Variants in VMAC observed in about 807,000 individuals in gnomAD.
VMAC encodes vimentin-type intermediate filament-associated coiled-coil protein.
Under a neutral mutation model 4.8 loss-of-function variants are expected in VMAC, and 8 were observed. That is an observed-to-expected ratio of 1.68 (90% CI 0.99 to 3.03). The LOEUF (loss-of-function observed/expected upper bound fraction) is 3.03. Ranked by LOEUF, VMAC falls within the 30% of genes most tolerant of loss-of-function variation. The probability of loss-of-function intolerance (pLI) is 0.00; values close to 1 mark genes in which losing one functional copy is unlikely to be tolerated. For synonymous variants in VMAC, 96 were observed against 113.7 expected, an observed-to-expected ratio of 0.84 and a Z score of 0.99; for missense variants, 248 against 245.1, an observed-to-expected ratio of 1.01 and a Z score of -0.08.
rs896840463 is a variant in VMAC at position 5,910,338 on chromosome 19, C to A, written c.*1196C>A. ...CTAGGGAGTGTAGGCCAAGCACTCT[C>A]TACAGCGATTGCATCTAATCTTCGA... On this transcript the variant is annotated 3_prime_UTR_variant, in exon 2 of 2. Coordinates refer to ENST00000339485, the MANE Select transcript of VMAC (RefSeq NM_001017921.4). 6.6e-6 allele frequency: 1 copy of A among 152,224 alleles called. No individual in the cohort carries two copies. Among genetic ancestry groups the A allele is most frequent in the Non-Finnish European group, 1.5e-5 (1 of 68,064 alleles). 9.4% of individuals were successfully genotyped at this position (152,224 alleles called of 1,614,324 possible).
At chr19:5,906,622 G>C (rs1599701164) in intron 1 of VMAC, among the ~76,000 whole-genome samples, 1 of 152,354 alleles carries the variant, frequency 6.6e-6, no homozygotes, top group East Asian at 1.9e-4. Context: ...AGGGATCTCA[G>C]AGTGAAGGCT....
Position 5,909,230 on chromosome 19 carries a change from CG to C in VMAC, c.*90del, listed in dbSNP as rs1276179439. 4.3e-6 allele frequency: 6 copies of C among 1,411,630 alleles called. No homozygotes were observed. Among genetic ancestry groups the C allele is most frequent in the Non-Finnish European group, 4.7e-6 (5 of 1,060,418 alleles). 87.4% of individuals were successfully genotyped at this position (1,411,630 alleles called of 1,614,324 possible). On this transcript the variant is annotated 3_prime_UTR_variant, in exon 2 of 2. Transcript: ENST00000339485. ...ACCAGCACCCTGCAGGGGGACCCTACGGCAGAGCCAAAGTCCTGTCTAAGCA... is the reference window on the plus strand; with the variant it reads ...ACCAGCACCCTGCAGGGGGACCCTACGCAGAGCCAAAGTCCTGTCTAAGCA...
intron 1 of VMAC, among the ~76,000 whole-genome samples, chr19:5,907,183 G>A (rs1470582981): frequency 6.6e-6 from 1 of 152,176 alleles, no homozygotes; most frequent in East Asian, 1.9e-4. Context: ...GCTTCTCTCT[G>A]TGTCCTCACA....
chr19:5,907,394 G>T (rs386803), intron 1 of VMAC, among the ~76,000 whole-genome samples: 135,425 of 151,594 alleles, frequency 0.89, 60,705 homozygotes, highest in African/African-American at 0.96. Flanking sequence ...TGCCCACGTG[G>T]TGTGGAAGGA....
Position 5,904,937 on chromosome 19 carries a change from TG to T in VMAC, c.49del (p.Ala17GlnfsTer39). ...ALQIREANAH[L>X]AAVHRRAAEL... ...CAGATCCGGGAGGCAAACGCACACC[TG>T]GCAGCCGTGCACCGGCGCGCAGCGG... is the stretch of plus-strand genomic sequence containing the variant. On this transcript the variant is annotated frameshift_variant, in exon 1 of 2. Coordinates refer to ENST00000339485, the MANE Select transcript of VMAC (RefSeq NM_001017921.4). LOFTEE classifies it high-confidence loss of function. 6.7e-7 allele frequency: 1 copy of T among 1,489,142 alleles called. No homozygotes were observed. Among genetic ancestry groups the T allele is most frequent in the Admixed American group, 2.3e-5 (1 of 43,436 alleles). The allele number at this position is 1,489,142 out of a possible 1,614,324, so 92.2% of individuals were successfully genotyped here.
intron 1 of VMAC, among the ~76,000 whole-genome samples, chr19:5,907,610 TAA>T (rs771762988): frequency 0.056 from 1,047 of 18,674 alleles, 96 homozygotes; most frequent in Admixed American, 0.097. Flanking sequence ...CTGTCTCTAC[TAA>T]AAAAAAAAAA....
rs1405489932 is a variant in VMAC, at chr19:5,908,889, C to T, written c.257C>T (p.Thr86Ile). ...GCCACTGTCCACAGCCTGCAGGCCACCGTGCACCAGAGGGACGAGCTCATT... is the reference window on the plus strand; with the variant it reads ...GCCACTGTCCACAGCCTGCAGGCCATCGTGCACCAGAGGGACGAGCTCATT... ...SEATVHSLQA[T>I]VHQRDELIRQ... The change falls in exon 2 of 2, where the codon ACC becomes ATC. Residue 86 changes from threonine to isoleucine, a missense_variant. Coordinates refer to ENST00000339485, the MANE Select transcript of VMAC (RefSeq NM_001017921.4). This position sits in a 1 kb window ranked among gnomAD's most constrained non-coding sequence, Gnocchi z 4.5. 7 of 1,613,904 alleles carry T rather than the reference C, an allele frequency of 4.3e-6. No individual in the cohort carries two copies. In the African/African-American group the frequency reaches 8.0e-5, roughly 18 times the overall value.
chr19:5,905,113 C>A, intron 1 of VMAC, 32 bp downstream of exon 1: 1 of 1,335,050 alleles, frequency 7.5e-7, no homozygotes, highest in Non-Finnish European at 9.6e-7. Flanking sequence ...GTGGACTTCA[C>A]CGAGGCGGTA....
chr19:5,907,463 TAGTG>T (rs761462771), intron 1 of VMAC, among the ~76,000 whole-genome samples: 75 of 151,444 alleles, frequency 5.0e-4, no homozygotes, highest in Non-Finnish European at 1.9e-4. Flanking sequence ...ATTCTCATGA[TAGTG>T]AGTGAGTTCT....
chr19:5,906,742 A>C (rs867941029), intron 1 of VMAC, among the ~76,000 whole-genome samples: 22 of 152,256 alleles, frequency 1.4e-4, no homozygotes, highest in African/African-American at 4.8e-4. Flanking sequence ...AATGCCATAA[A>C]CTGGCTGGGT....
Position 5,909,687 on chromosome 19 carries a change from A to C in VMAC, c.*545A>C, listed in dbSNP as rs1192170289. ...GAGACCGGGGAGGGGAGGGGGTTTC[A>C]CCATGTTGACCAGGCTGGTCTCAAA... On this transcript the variant is annotated 3_prime_UTR_variant, in exon 2 of 2. Transcript: ENST00000339485. 6.5e-6 allele frequency: 1 copy of C among 153,296 alleles called. No homozygotes were observed. The highest frequency in any genetic ancestry group is 1.4e-5 in the Non-Finnish European group (1 of 69,062). The allele number at this position is 153,296 out of a possible 1,614,324, so 9.5% of individuals were successfully genotyped here.
At position 5,908,991 on chromosome 19, in the gene VMAC, C is replaced by T; in HGVS notation, c.359C>T (p.Ala120Val). The change falls in exon 2 of 2, where the codon GCC (alanine) becomes GTC (valine). Residue 120 changes from alanine to valine, a missense_variant. By Grantham distance (64) the Ala-to-Val change is moderately conservative. Coordinates refer to ENST00000339485, the MANE Select transcript of VMAC (RefSeq NM_001017921.4). This position sits in a 1 kb window ranked among gnomAD's most constrained non-coding sequence, Gnocchi z 4.5. ...RRPPLAGLLDALAEAERLGPL... is the reference protein window; with the variant it reads ...RRPPLAGLLDVLAEAERLGPL... ...CCACCCCTGGCTGGGCTGCTGGATG[C>T]CCTGGCTGAGGCTGAGCGCCTGGGG... 6.2e-7 allele frequency: 1 copy of T among 1,608,384 alleles called. No homozygotes were observed. Among genetic ancestry groups the T allele is most frequent in the African/African-American group, 1.3e-5 (1 of 74,894 alleles).
Position 5,910,365 on chromosome 19 carries a change from T to C in VMAC, c.*1223T>C, listed in dbSNP as rs961434311. 1 of 151,922 alleles carries C rather than the reference T, an allele frequency of 6.6e-6. No homozygotes were observed. The highest frequency in any genetic ancestry group is 2.4e-5 in the African/African-American group (1 of 41,326). The allele number at this position is 151,922 out of a possible 1,614,324, so 9.4% of individuals were successfully genotyped here. ...ACAGCGATTGCATCTAATCTTCGAG[T>C]TTCCCTGTAGACACAGGCTTTGTCC... is the stretch of plus-strand genomic sequence containing the variant. On this transcript the variant is annotated 3_prime_UTR_variant, in exon 2 of 2. Coordinates refer to ENST00000339485, the MANE Select transcript of VMAC (RefSeq NM_001017921.4).
intron 1 of VMAC, among the ~76,000 whole-genome samples, chr19:5,906,158 T>C (rs1055578699): frequency 6.7e-6 from 1 of 149,742 alleles, no homozygotes; most frequent in African/African-American, 2.5e-5. Flanking sequence ...CCTTTAGAAA[T>C]GGGGTCAGAC....
In VMAC at chr19:5,909,145, C is replaced by T. The variant is rs745818176; in HGVS notation, c.*3C>T. 3 of 1,533,678 alleles carry T rather than the reference C, an allele frequency of 2.0e-6. No homozygotes were observed. The highest frequency in any genetic ancestry group is 1.7e-6 in the Non-Finnish European group (2 of 1,147,078). On this transcript the variant is annotated 3_prime_UTR_variant, in exon 2 of 2. Coordinates refer to ENST00000339485, the MANE Select transcript of VMAC (RefSeq NM_001017921.4). ...CAGTGTTTGGGACCACAGTGTGAGC[C>T]CGGAATGCAGATTACAGAATGGAGA...
chr19:5,909,360 T>C lies in VMAC; in HGVS notation c.*218T>C. 1 of 517,728 alleles carries C rather than the reference T, an allele frequency of 1.9e-6. No homozygotes were observed. Among genetic ancestry groups the C allele is most frequent in the Non-Finnish European group, 3.3e-6 (1 of 302,778 alleles). The allele number at this position is 517,728 out of a possible 1,614,324, so 32.1% of individuals were successfully genotyped here. On this transcript the variant is annotated 3_prime_UTR_variant, in exon 2 of 2. Coordinates refer to ENST00000339485, the MANE Select transcript of VMAC (RefSeq NM_001017921.4). ...TTCTTGTTTGTTTTTAAGCTTTGAA[T>C]CAGTCACCCTTGCTAAAAACCTGGC...
Position 5,909,180 on chromosome 19 carries a change from A to G in VMAC, c.*38A>G. Reference sequence around the variant, plus strand: ...GATTACAGAATGGAGACAGAAAGCCACTGCTGTCAGTGTCCTTGGGAGTCA... The same window carrying G: ...GATTACAGAATGGAGACAGAAAGCCGCTGCTGTCAGTGTCCTTGGGAGTCA... On this transcript the variant is annotated 3_prime_UTR_variant, in exon 2 of 2. Transcript: ENST00000339485. 6.6e-7 allele frequency: 1 copy of G among 1,520,984 alleles called. No individual in the cohort carries two copies. The highest frequency in any genetic ancestry group is 2.2e-5 in the Admixed American group (1 of 45,126). 94.2% of individuals were successfully genotyped at this position (1,520,984 alleles called of 1,614,324 possible).
intron 1 of VMAC, among the ~76,000 whole-genome samples, chr19:5,906,606 G>A (rs966757491): frequency 6.6e-6 from 1 of 152,202 alleles, no homozygotes; most frequent in Non-Finnish European, 1.5e-5. Context: ...GGCATATGGG[G>A]CTCTGAGGGA....
chr19:5,904,952 G>A lies in VMAC; in HGVS notation c.62G>A (p.Arg21Gln), dbSNP rs562211703. The A allele has an allele frequency of 1.4e-6, 2 of 1,480,150 alleles. No homozygotes were observed. The highest frequency in any genetic ancestry group is 1.5e-5 in the African/African-American group (1 of 68,270). 91.7% of individuals were successfully genotyped at this position (1,480,150 alleles called of 1,614,324 possible). A position where few individuals can be genotyped will look rare whatever the true frequency, so the allele number is the denominator to read the frequency against. ...AACGCACACCTGGCAGCCGTGCACC[G>A]GCGCGCAGCGGAGCTGGAGGCGCGG... ...EANAHLAAVHRRAAELEARLD... is the reference protein window; with the variant it reads ...EANAHLAAVHQRAAELEARLD... The change falls in exon 1 of 2, where the codon CGG becomes CAG. Residue 21 changes from arginine (R) to glutamine (Q), a missense_variant. Physicochemically the swap from Arg to Gln is conservative, Grantham distance 43. Coordinates refer to ENST00000339485, the MANE Select transcript of VMAC (RefSeq NM_001017921.4).
Sources: gnomAD v4.1 joint callset for allele counts (sites outside exome capture counted in the v4.1 genomes callset) on GRCh38, gnomAD v4.1.1 for gene constraint, Gnocchi (gnomAD v3.1) non-coding constraint, MANE v1.5 for transcripts, NCBI Gene and HGNC (gene_info 2026-07-23, HGNC 2026-07-21) for gene names.